Variants in PTPRK observed in about 807,000 individuals in gnomAD.
The protein encoded by PTPRK is protein tyrosine phosphatase receptor type K.
Under a neutral mutation model 178.0 loss-of-function variants are expected in PTPRK, and 75 were observed. The observed-to-expected ratio is 0.42, with a 90% CI of 0.35 to 0.51. The LOEUF (loss-of-function observed/expected upper bound fraction) is 0.51, where lower values mean the gene tolerates loss of function less well. Ranked by LOEUF, PTPRK falls within the 20% of genes least tolerant of loss-of-function variation. The pLI, the probability that PTPRK is intolerant of heterozygous loss-of-function variation, is 0.02. For missense variants in PTPRK, 1,441 were observed against 1,797.8 expected (o/e 0.80, Z 3.59); for synonymous variants, 637 against 620.6 (o/e 1.03, Z -0.39).
chr6:128,240,752 G>C (rs1421794919), intron 4 of PTPRK, among the ~76,000 whole-genome samples: 1 of 152,050 alleles, frequency 6.6e-6, no homozygotes, highest in African/African-American at 2.4e-5. Context: ...TATAACCATA[G>C]TATAGTAATC....
At chr6:128,385,628 A>G (rs11754295) in intron 2 of PTPRK, among the ~76,000 whole-genome samples, 7,368 of 152,262 alleles carry the variant, frequency 0.048, 269 homozygotes, top group Non-Finnish European at 0.078. Context: ...CTAGTGTGAT[A>G]CGGTTGATTA....
chr6:128,240,488 C>T (rs889089885), intron 4 of PTPRK, among the ~76,000 whole-genome samples: 15 of 152,084 alleles, frequency 9.9e-5, no homozygotes, highest in African/African-American at 3.6e-4. Context: ...CAAGTCAAAG[C>T]AACCAAAAGA....
At chr6:128,470,260 A>G (rs535295009) in intron 1 of PTPRK, among the ~76,000 whole-genome samples, 2 of 78,034 alleles carry the variant, frequency 2.6e-5, no homozygotes, top group Non-Finnish European at 5.8e-5. Context: ...CTCAGTTTTC[A>G]TATATATATA....
intron 1 of PTPRK, among the ~76,000 whole-genome samples, chr6:128,517,423 G>A (rs139336179): frequency 1.4e-4 from 22 of 152,182 alleles, no homozygotes; most frequent in African/African-American, 5.1e-4. Context: ...AGAGATCACA[G>A]CTATACAACC....
intron 3 of PTPRK, among the ~76,000 whole-genome samples, chr6:128,255,239 T>A (rs924824359): frequency 6.6e-6 from 1 of 152,154 alleles, no homozygotes. Context: ...TCCACCCACC[T>A]CGGCCTCCCA....
chr6:128,318,762 G>T (rs1247991883), intron 3 of PTPRK, among the ~76,000 whole-genome samples: 2 of 152,154 alleles, frequency 1.3e-5, no homozygotes, highest in African/African-American at 4.8e-5. Flanking sequence ...CAGATTTCCA[G>T]AGTGGAGAAA....
At chr6:128,400,856 T>C (rs1840927294) in intron 1 of PTPRK, among the ~76,000 whole-genome samples, 2 of 152,164 alleles carry the variant, frequency 1.3e-5, no homozygotes, top group African/African-American at 4.8e-5. Flanking sequence ...ACCTTATGAA[T>C]TTAAAGTTTC....
intron 1 of PTPRK, among the ~76,000 whole-genome samples, chr6:128,429,540 A>T (rs1844558153): frequency 6.6e-6 from 1 of 152,250 alleles, no homozygotes; most frequent in South Asian, 2.1e-4. Flanking sequence ...CTGCAATAAA[A>T]CAAAGGTAAT....
At chr6:128,197,972 A>G (rs1262552630) in intron 6 of PTPRK, among the ~76,000 whole-genome samples, 1 of 152,160 alleles carries the variant, frequency 6.6e-6, no homozygotes, top group African/African-American at 2.4e-5. Flanking sequence ...ATTTTCAATT[A>G]GCCAGTGGCA....
At chr6:128,178,656 C>T (rs908491912) in intron 7 of PTPRK, among the ~76,000 whole-genome samples, 1 of 145,996 alleles carries the variant, frequency 6.8e-6, no homozygotes, top group African/African-American at 2.6e-5. Context: ...GTAGAGAAGA[C>T]ATCTATCTAT....
chr6:128,276,139 A>C (rs973126350), intron 3 of PTPRK, among the ~76,000 whole-genome samples: 7 of 152,232 alleles, frequency 4.6e-5, no homozygotes, highest in African/African-American at 1.7e-4. Context: ...ATGCCAATAT[A>C]CTAAATTATT....
At chr6:128,392,016 A>T (rs1420191953) in intron 2 of PTPRK, among the ~76,000 whole-genome samples, 1 of 152,012 alleles carries the variant, frequency 6.6e-6, no homozygotes, top group Middle Eastern at 3.2e-3. Flanking sequence ...CCCACTGAAT[A>T]AAAAAACACA....
intron 4 of PTPRK, chr6:128,241,218 C>T (rs778249115): frequency 3.8e-6 from 2 of 533,204 alleles, no homozygotes; most frequent in Admixed American, 3.9e-5. Context: ...TCTCTAGTGA[C>T]TTACCTCTCA....
chr6:128,493,874 A>T (rs549433427), intron 1 of PTPRK, among the ~76,000 whole-genome samples: 1 of 152,312 alleles, frequency 6.6e-6, no homozygotes, highest in South Asian at 2.1e-4. Context: ...TAACTCTGTC[A>T]TCTGCCTTCT....
chr6:128,027,177 A>G lies in PTPRK; in HGVS notation c.2195-17909T>C, dbSNP rs117365941. 9.2e-3 allele frequency among the ~76,000 whole-genome samples: 1,401 copies of G among 152,304 alleles called. 45 individuals carry two copies. Among genetic ancestry groups the G allele is most frequent in the East Asian group, 0.052 (271 of 5,182 alleles). On this transcript the variant is annotated intron_variant, in intron 13 of 29. Coordinates refer to ENST00000368226, the MANE Select transcript of PTPRK (RefSeq NM_002844.4). ...ATACCTATCATCATATTATGATCAA[A>G]GTATTTTGAAGTAAAAATACTTCCT...
intron 2 of PTPRK, among the ~76,000 whole-genome samples, chr6:128,328,750 A>C (rs1829890481): frequency 6.6e-6 from 1 of 152,160 alleles, no homozygotes; most frequent in East Asian, 1.9e-4. Context: ...AAAATGGAAA[A>C]ATCTCAAAAA....
At chr6:128,075,845 A>G (rs2114975730) in intron 11 of PTPRK, among the ~76,000 whole-genome samples, 1 of 152,162 alleles carries the variant, frequency 6.6e-6, no homozygotes, top group East Asian at 1.9e-4. Context: ...ACATATTTCC[A>G]CTGGAGGTGG....
chr6:128,383,695 A>T (rs1234786365), intron 2 of PTPRK, among the ~76,000 whole-genome samples: 1 of 152,180 alleles, frequency 6.6e-6, no homozygotes, highest in Non-Finnish European at 1.5e-5. Flanking sequence ...CACAGTGCTA[A>T]ACTGCACAAC....
intron 1 of PTPRK, among the ~76,000 whole-genome samples, chr6:128,481,343 T>A (rs1387766447): frequency 6.6e-6 from 1 of 152,184 alleles, no homozygotes; most frequent in Non-Finnish European, 1.5e-5. Context: ...TTTTTCATAT[T>A]TGCAATTTTG....
Sources: allele counts gnomAD v4.1 joint callset (sites outside exome capture counted in the v4.1 genomes callset), GRCh38; gene constraint gnomAD v4.1.1; transcripts MANE v1.5; gene names NCBI Gene and HGNC (gene_info 2026-07-23, HGNC 2026-07-21).